IMPG1: variants seen among roughly 807,000 people sequenced by gnomAD.
IMPG1 encodes interphotoreceptor matrix proteoglycan 1, also known as interphotoreceptor matrix proteoglycan of 150 kDa.
Under a neutral mutation model 92.0 loss-of-function variants are expected in IMPG1, and 85 were observed. That is an observed-to-expected ratio of 0.92 (90% CI 0.78 to 1.11). The LOEUF (loss-of-function observed/expected upper bound fraction) is 1.11. IMPG1 is among the 50% of genes least tolerant of loss of function. The pLI, the probability that IMPG1 is intolerant of heterozygous loss-of-function variation, is 0.00. For synonymous variants in IMPG1, 367 were observed against 334.1 expected (o/e 1.10, Z -1.08); for missense variants, 1,022 against 956.0 (o/e 1.07, Z -0.91).
intron 12 of IMPG1, among the ~76,000 whole-genome samples, chr6:76,002,683 G>T (rs1783015529): frequency 6.6e-6 from 1 of 152,152 alleles, no homozygotes; most frequent in Non-Finnish European, 1.5e-5. Flanking sequence ...TTAGAAAAGG[G>T]CTGCCGGTGC....
At chr6:75,975,599 G>A (rs1297131831) in intron 12 of IMPG1, among the ~76,000 whole-genome samples, 2 of 152,142 alleles carry the variant, frequency 1.3e-5, no homozygotes, top group African/African-American at 2.4e-5. Flanking sequence ...TTTGTCTAAT[G>A]GAGATGCCAT....
intron 12 of IMPG1, among the ~76,000 whole-genome samples, chr6:75,975,496 T>A (rs1421115431): frequency 6.6e-6 from 1 of 152,214 alleles, no homozygotes; most frequent in Non-Finnish European, 1.5e-5. Context: ...TTTAGACAAT[T>A]CTGTGCTTTT....
intron 1 of IMPG1, among the ~76,000 whole-genome samples, chr6:76,048,512 C>T (rs1783983124): frequency 6.6e-6 from 1 of 152,156 alleles, no homozygotes; most frequent in Non-Finnish European, 1.5e-5. Context: ...GATGATTGGT[C>T]TGTGCTCCTA....
Position 76,072,525 on chromosome 6 carries a change from A to G in IMPG1, c.-37T>C. On this transcript the variant is annotated 5_prime_UTR_variant, in exon 1 of 17. An upstream open reading frame in the 5' UTR loses its in-frame stop. Transcript: ENST00000369950. ...TGCATTGGTAATTCTGATAACAATC[A>G]CAGAACAACCTCAAATCTCATTAAA... is the stretch of plus-strand genomic sequence containing the variant. The G allele has an allele frequency of 1.7e-6, 2 of 1,199,474 alleles. No individual in the cohort carries two copies. The highest frequency in any genetic ancestry group is 2.0e-4 in the Middle Eastern group (1 of 5,128). 74.3% of individuals were successfully genotyped at this position (1,199,474 alleles called of 1,614,324 possible). A position where few individuals can be genotyped will look rare whatever the true frequency, so the allele number is the denominator to read the frequency against.
At chr6:75,987,301 CTT>C (rs201510997) in intron 12 of IMPG1, among the ~76,000 whole-genome samples, 11 of 143,040 alleles carry the variant, frequency 7.7e-5, no homozygotes, top group East Asian at 4.1e-4. Context: ...GACACACAGT[CTT>C]TTTTTTTTTT....
intron 1 of IMPG1, among the ~76,000 whole-genome samples, chr6:76,056,252 G>T (rs918123662): frequency 9.7e-4 from 147 of 152,154 alleles, no homozygotes; most frequent in African/African-American, 3.5e-3. Flanking sequence ...AATACACATA[G>T]AAGAAACAAT....
At chr6:76,052,827 G>C (rs1374177699) in intron 1 of IMPG1, among the ~76,000 whole-genome samples, 2 of 152,080 alleles carry the variant, frequency 1.3e-5, no homozygotes, top group African/African-American at 2.4e-5. Flanking sequence ...GAATAGAGTT[G>C]GATTAATGCT....
intron 1 of IMPG1, among the ~76,000 whole-genome samples, chr6:76,068,155 C>G (rs1382547964): frequency 6.6e-6 from 1 of 152,126 alleles, no homozygotes; most frequent in Non-Finnish European, 1.5e-5. Context: ...TTTAACCACT[C>G]CTATTCAACA....
chr6:75,999,714 T>G (rs1278594201), intron 12 of IMPG1, among the ~76,000 whole-genome samples: 1 of 152,232 alleles, frequency 6.6e-6, no homozygotes, highest in Non-Finnish European at 1.5e-5. Flanking sequence ...TCTGCTCTTG[T>G]CAATGTGGAA....
chr6:76,022,074 A>G (rs1345943689), intron 6 of IMPG1, 42 bp downstream of exon 6: 4 of 1,096,368 alleles, frequency 3.6e-6, no homozygotes, highest in Middle Eastern at 2.1e-4. Flanking sequence ...AAGAACAAAA[A>G]CAGGCACATG....
intron 10 of IMPG1, 89 bp downstream of exon 10, chr6:76,005,198 A>G (rs1783072113): frequency 7.4e-7 from 1 of 1,350,108 alleles, no homozygotes. Context: ...AGAAGACCCA[A>G]GTTAAAATGA....
At chr6:76,037,136 G>A (rs1417934805) in intron 2 of IMPG1, among the ~76,000 whole-genome samples, 2 of 152,194 alleles carry the variant, frequency 1.3e-5, no homozygotes, top group South Asian at 2.1e-4. Context: ...AAAAAGGACC[G>A]TGGGGAGGAA....
intron 5 of IMPG1, 48 bp from the exon 6 acceptor site, chr6:76,022,267 T>C: frequency 9.6e-7 from 1 of 1,039,994 alleles, no homozygotes; most frequent in Non-Finnish European, 1.5e-6. Flanking sequence ...AATGGAGGAG[T>C]TTAAATTAGA....
chr6:76,005,405 G>C lies in IMPG1; in HGVS notation c.1017C>G (p.Thr339=). 6.2e-7 allele frequency: 1 copy of C among 1,614,038 alleles called. No homozygotes were observed. The highest frequency in any genetic ancestry group is 8.5e-7 in the Non-Finnish European group (1 of 1,179,958). Residue 339 remains threonine (T), a synonymous_variant, in exon 10 of 17, where the codon ACC becomes ACG. Transcript: ENST00000369950. ...TTTCTGGTTGCTTGTCCTCCTCCAT[G>C]GTTCCATGATAGACTTCCTCACTTT... The part of the protein sequence containing the change: ...KIESEEVYHG[T]MEEDKQPEIY...
In IMPG1 at chr6:76,042,459, A is replaced by C. The variant is rs537239472; in HGVS notation, c.68-333T>G. ...TCAAGCCTCTCAAGAGATGTCTCTT[A>C]TGATAGATAATATAATTCAAGCAGG... On this transcript the variant is annotated intron_variant, in intron 1 of 16. Coordinates refer to ENST00000369950, the MANE Select transcript of IMPG1 (RefSeq NM_001563.4). Among the ~76,000 whole-genome samples, 5 of 152,218 alleles carry C rather than the reference A, an allele frequency of 3.3e-5. No individual in the cohort carries two copies. In the South Asian group the frequency reaches 8.3e-4, roughly 25 times the overall value.
intron 12 of IMPG1, among the ~76,000 whole-genome samples, chr6:75,974,165 T>G (rs901556065): frequency 6.6e-6 from 1 of 152,192 alleles, no homozygotes; most frequent in Non-Finnish European, 1.5e-5. Context: ...AACATTTTAG[T>G]GCAAATTTGG....
chr6:75,995,333 T>G (rs1008550685), intron 12 of IMPG1, among the ~76,000 whole-genome samples: 2 of 152,174 alleles, frequency 1.3e-5, no homozygotes, highest in African/African-American at 4.8e-5. Flanking sequence ...GTCATTGTTT[T>G]TCTTAAAACC....
intron 1 of IMPG1, among the ~76,000 whole-genome samples, chr6:76,057,192 G>A (rs1393825274): frequency 6.6e-6 from 1 of 152,082 alleles, no homozygotes; most frequent in Non-Finnish European, 1.5e-5. Flanking sequence ...AATGAATGCT[G>A]GGCTTACTAC....
chr6:75,942,697 C>A (rs188951776), intron 14 of IMPG1, among the ~76,000 whole-genome samples: 1 of 152,104 alleles, frequency 6.6e-6, no homozygotes, highest in Non-Finnish European at 1.5e-5. Context: ...AAATATCCCA[C>A]CAAAAGGAGA....
Sources: allele counts gnomAD v4.1 joint callset (sites outside exome capture counted in the v4.1 genomes callset), GRCh38; gene constraint gnomAD v4.1.1; transcripts MANE v1.5; gene names NCBI Gene and HGNC (gene_info 2026-07-23, HGNC 2026-07-21).